Variants in PHACTR3 observed in about 807,000 individuals in gnomAD.
PHACTR3 encodes phosphatase and actin regulator 3, also known as protein phosphatase 1, regulatory subunit 123.
Under a neutral mutation model 66.8 loss-of-function variants are expected in PHACTR3, and 16 were observed. The ratio of observed to expected loss-of-function variants is 0.24; its 90% CI spans 0.16 to 0.36. PHACTR3 has a LOEUF of 0.36. PHACTR3 is among the 10% of genes least tolerant of loss of function. The pLI, the probability that PHACTR3 is intolerant of heterozygous loss-of-function variation, is 1.00. For missense variants in PHACTR3, 647 were observed against 719.9 expected (o/e 0.90, Z 1.16); for synonymous variants, 323 against 292.1 (o/e 1.11, Z -1.08).
chr20:59,768,434 A>T (rs540227793), intron 5 of PHACTR3, among the ~76,000 whole-genome samples: 1 of 152,340 alleles, frequency 6.6e-6, no homozygotes, highest in South Asian at 2.1e-4. Flanking sequence ...TGGTTGAGAA[A>T]ACAGGCTCAG....
intron 1 of PHACTR3, among the ~76,000 whole-genome samples, chr20:59,713,282 T>C (rs2037970795): frequency 6.6e-6 from 1 of 152,242 alleles, no homozygotes; most frequent in Admixed American, 6.5e-5. Context: ...CTGGTACTTC[T>C]TGTGTTTTCT....
intron 8 of PHACTR3, among the ~76,000 whole-genome samples, chr20:59,825,095 G>T (rs1205356454): frequency 6.6e-6 from 1 of 152,314 alleles, no homozygotes; most frequent in East Asian, 1.9e-4. Flanking sequence ...GCTGTGCAGG[G>T]GCTGGGGATT....
Position 59,629,216 on chromosome 20 carries a change from C to T in PHACTR3, c.118+24084C>T, listed in dbSNP as rs112475342. On this transcript the variant is annotated intron_variant, in intron 1 of 12. Transcript: ENST00000371015. ...ATGCCCACCTGCTTCCTTTTCTCTA[C>T]GTTGTGCCCCCACCATGCTCCAGTG... is the stretch of plus-strand genomic sequence containing the variant. Among the ~76,000 whole-genome samples, 845 of 152,334 alleles carry T rather than the reference C, an allele frequency of 5.5e-3. 10 individuals are homozygous for T. Among genetic ancestry groups the T allele is most frequent in the African/African-American group, 0.019 (793 of 41,570 alleles).
intron 8 of PHACTR3, among the ~76,000 whole-genome samples, chr20:59,823,368 C>G (rs1222093054): frequency 6.6e-6 from 1 of 152,110 alleles, no homozygotes; most frequent in Non-Finnish European, 1.5e-5. Flanking sequence ...GCGGTAGATC[C>G]TTCGCTCGGC....
At chr20:59,760,994 A>T (rs1457864688) in intron 4 of PHACTR3, among the ~76,000 whole-genome samples, 1 of 152,114 alleles carries the variant, frequency 6.6e-6, no homozygotes, top group Non-Finnish European at 1.5e-5. Flanking sequence ...GATCAAACCC[A>T]GTGGCAGGAC....
At chr20:59,697,887 G>A (rs1008982345) in intron 1 of PHACTR3, among the ~76,000 whole-genome samples, 2 of 152,124 alleles carry the variant, frequency 1.3e-5, no homozygotes, top group South Asian at 2.1e-4. Context: ...TCAAGTGTTG[G>A]CAAACACATG....
At chr20:59,800,627 C>T (rs1028212579) in intron 7 of PHACTR3, among the ~76,000 whole-genome samples, 1 of 152,172 alleles carries the variant, frequency 6.6e-6, no homozygotes, top group Admixed American at 6.5e-5. Flanking sequence ...TACCATGGCC[C>T]AGACACAGTT....
chr20:59,604,327 C>G (rs1286600365), upstream of PHACTR3, among the ~76,000 whole-genome samples: 1 of 152,090 alleles, frequency 6.6e-6, no homozygotes, highest in Non-Finnish European at 1.5e-5. Context: ...AGGAAGCTTT[C>G]CTGTTTCTAG....
intron 1 of PHACTR3, among the ~76,000 whole-genome samples, chr20:59,580,080 T>A (rs777613786): frequency 1.3e-5 from 2 of 152,082 alleles, no homozygotes; most frequent in Non-Finnish European, 2.9e-5. Flanking sequence ...GAGGCTCCAA[T>A]CTGAGATTCA....
Position 59,841,550 on chromosome 20 carries a change from G to A in PHACTR3, c.1587+15G>A. 2 of 1,608,416 alleles carry A rather than the reference G, an allele frequency of 1.2e-6. No homozygotes were observed. Among genetic ancestry groups the A allele is most frequent in the Non-Finnish European group, 1.7e-6 (2 of 1,177,526 alleles). ...CAGCAGATAAGGTACCTAACTGCCT[G>A]TGCTGGTGGGGGGTGTTGGATGATA... On this transcript the variant is annotated intron_variant, in intron 11 of 12. Coordinates refer to ENST00000371015, the MANE Select transcript of PHACTR3 (RefSeq NM_080672.5).
In PHACTR3 at chr20:59,820,680, G is replaced by A. The variant is rs1190112186; in HGVS notation, c.1328+14486G>A. Among the ~76,000 whole-genome samples the A allele has an allele frequency of 9.2e-5, 14 of 152,194 alleles. 2 individuals are homozygous for A. Among genetic ancestry groups the A allele is most frequent in the Admixed American group, 7.9e-4 (12 of 15,280 alleles). On this transcript the variant is annotated intron_variant, in intron 8 of 12. Coordinates refer to ENST00000371015, the MANE Select transcript of PHACTR3 (RefSeq NM_080672.5). This position sits in a 1 kb window ranked among gnomAD's most constrained non-coding sequence, Gnocchi z 4.6. ...AATATGAAGTGGCCCTGTCCCTGCT[G>A]AGGGCTCCAGGGAGGGTCAGCTGCT...
Position 59,830,165 on chromosome 20 carries a change from G to A in PHACTR3, c.1329-6340G>A, listed in dbSNP as rs843819. Among the ~76,000 whole-genome samples, 61,116 of 150,432 alleles carry A rather than the reference G, an allele frequency of 0.41. 17,528 individuals are homozygous for A. Among genetic ancestry groups the A allele is most frequent in the African/African-American group, 0.83 (33,496 of 40,482 alleles). On this transcript the variant is annotated intron_variant, in intron 8 of 12. Coordinates refer to ENST00000371015, the MANE Select transcript of PHACTR3 (RefSeq NM_080672.5). This position sits in a 1 kb window ranked among gnomAD's most constrained non-coding sequence, Gnocchi z 5.8. The stretch of plus-strand genomic sequence containing the variant: ...ACAGACAGGAGCATGTGCGTGTCTG[G>A]TGGAAGAGGGTGTGCGTGTCTGATG...
chr20:59,669,358 TC>T (rs1237845952), intron 1 of PHACTR3, among the ~76,000 whole-genome samples: 1 of 152,216 alleles, frequency 6.6e-6, no homozygotes, highest in East Asian at 1.9e-4. Context: ...GTGCCGCTTT[TC>T]CTCATTGCCT....
At chr20:59,808,258 A>G (rs770871348) in intron 8 of PHACTR3, among the ~76,000 whole-genome samples, 1 of 152,200 alleles carries the variant, frequency 6.6e-6, no homozygotes, top group African/African-American at 2.4e-5. Flanking sequence ...GCCCACGGAC[A>G]CTGCCCAAAG....
chr20:59,811,870 G>A (rs922406904), intron 8 of PHACTR3, among the ~76,000 whole-genome samples: 2 of 152,368 alleles, frequency 1.3e-5, no homozygotes, highest in Middle Eastern at 3.4e-3. Context: ...GTGAAATGGG[G>A]ATGGTGGCAA....
At chr20:59,715,198 A>C (rs1312011233) in intron 1 of PHACTR3, among the ~76,000 whole-genome samples, 1 of 152,028 alleles carries the variant, frequency 6.6e-6, no homozygotes, top group Non-Finnish European at 1.5e-5. Context: ...TTCTTGTCTC[A>C]TTCCCAATCT....
intron 1 of PHACTR3, among the ~76,000 whole-genome samples, chr20:59,645,064 A>G (rs1480666260): frequency 6.6e-6 from 1 of 151,574 alleles, no homozygotes; most frequent in African/African-American, 2.4e-5. Flanking sequence ...GTTGTTCTGT[A>G]TGTTTGTGTG....
At chr20:59,781,756 A>T (rs2146925587) in intron 7 of PHACTR3, among the ~76,000 whole-genome samples, 1 of 152,210 alleles carries the variant, frequency 6.6e-6, no homozygotes, top group East Asian at 1.9e-4. Context: ...GTACATATTA[A>T]TATGTTCTAG....
intron 1 of PHACTR3, among the ~76,000 whole-genome samples, chr20:59,737,274 G>A (rs2038979151): frequency 6.6e-6 from 1 of 152,150 alleles, no homozygotes. Context: ...GCTCCCTGAG[G>A]AGGCCCTGGG....
Sources: gnomAD v4.1 joint callset for allele counts (sites outside exome capture counted in the v4.1 genomes callset) on GRCh38, gnomAD v4.1.1 for gene constraint, Gnocchi (gnomAD v3.1) non-coding constraint, MANE v1.5 for transcripts, NCBI Gene and HGNC (gene_info 2026-07-23, HGNC 2026-07-21) for gene names.